KCNIP1: variants seen among roughly 807,000 people sequenced by gnomAD.
KCNIP1 encodes potassium voltage-gated channel interacting protein 1, also known as A-type potassium channel modulatory protein KCNIP1.
In KCNIP1, 18 loss-of-function variants were observed where a neutral mutation model predicts 33.0. That is an observed-to-expected ratio of 0.55 (90% CI 0.38 to 0.81). The LOEUF (loss-of-function observed/expected upper bound fraction) is 0.81. KCNIP1 is among the 30% of genes least tolerant of loss of function. The pLI, the probability that KCNIP1 is intolerant of heterozygous loss-of-function variation, is 0.00. For synonymous variants in KCNIP1, 93 were observed against 98.3 expected, an observed-to-expected ratio of 0.95 and a Z score of 0.32; for missense variants, 238 against 271.6, an observed-to-expected ratio of 0.88 and a Z score of 0.87.
intron 1 of KCNIP1, among the ~76,000 whole-genome samples, chr5:170,367,421 G>GGAAA (rs879277915): frequency 0.012 from 884 of 74,568 alleles, 57 homozygotes; most frequent in African/African-American, 0.041. Context: ...AAGAAAGAAA[G>GGAAA]GAAAGAAAGA....
At chr5:170,580,494 G>A (rs898338368) in intron 1 of KCNIP1, among the ~76,000 whole-genome samples, 9 of 152,088 alleles carry the variant, frequency 5.9e-5, no homozygotes, top group Non-Finnish European at 1.3e-4. Context: ...CCCCCAAGTC[G>A]GTAGACTTCA....
At chr5:170,567,522 G>A (rs1378880775) in intron 1 of KCNIP1, among the ~76,000 whole-genome samples, 2 of 152,184 alleles carry the variant, frequency 1.3e-5, no homozygotes, top group African/African-American at 4.8e-5. Flanking sequence ...GAAGTCCAGA[G>A]GTGGAAAAAA....
intron 1 of KCNIP1, among the ~76,000 whole-genome samples, chr5:170,416,364 C>G (rs1755330054): frequency 6.6e-6 from 1 of 152,170 alleles, no homozygotes; most frequent in South Asian, 2.1e-4. Context: ...AAATTCCAGG[C>G]TCAGTCAGGG....
chr5:170,468,662 C>G (rs1380691545), intron 1 of KCNIP1, among the ~76,000 whole-genome samples: 1 of 151,102 alleles, frequency 6.6e-6, no homozygotes, highest in Non-Finnish European at 1.5e-5. Flanking sequence ...GGGTGGATAG[C>G]TTGAGCCCAG....
chr5:170,551,574 C>T (rs1756635595), intron 1 of KCNIP1, among the ~76,000 whole-genome samples: 1 of 152,176 alleles, frequency 6.6e-6, no homozygotes, highest in Non-Finnish European at 1.5e-5. Context: ...AAATGTCATT[C>T]TCTTTCCTTC....
At chr5:170,428,963 T>A (rs1403014717) in intron 1 of KCNIP1, among the ~76,000 whole-genome samples, 1 of 151,980 alleles carries the variant, frequency 6.6e-6, no homozygotes, top group African/African-American at 2.4e-5. Flanking sequence ...CCCTTTCCCA[T>A]CGTATGATAG....
intron 1 of KCNIP1, among the ~76,000 whole-genome samples, chr5:170,703,806 C>G (rs554657192): frequency 1.4e-5 from 2 of 137,976 alleles, no homozygotes; most frequent in South Asian, 2.7e-4. Flanking sequence ...GTGCTACATA[C>G]ACACTTTTAG....
intron 1 of KCNIP1, among the ~76,000 whole-genome samples, chr5:170,430,261 T>A (rs1417703057): frequency 1.3e-5 from 2 of 152,216 alleles, no homozygotes; most frequent in Non-Finnish European, 2.9e-5. Context: ...CCTCTGACCA[T>A]GCCAGTGCAT....
At chr5:170,432,715 A>G (rs1054439744) in intron 1 of KCNIP1, among the ~76,000 whole-genome samples, 7 of 150,280 alleles carry the variant, frequency 4.7e-5, no homozygotes, top group Non-Finnish European at 1.0e-4. Context: ...AGCCATTCAC[A>G]AAGACTACCT....
intron 1 of KCNIP1, among the ~76,000 whole-genome samples, chr5:170,387,421 G>GCAT (rs567682849): frequency 4.5e-4 from 69 of 152,170 alleles, no homozygotes; most frequent in African/African-American, 1.6e-3. Flanking sequence ...CCTTAGCCAG[G>GCAT]CTGCCCTCAT....
At chr5:170,453,652 C>T (rs1561633327) in intron 1 of KCNIP1, among the ~76,000 whole-genome samples, 1 of 152,116 alleles carries the variant, frequency 6.6e-6, no homozygotes, top group Non-Finnish European at 1.5e-5. Flanking sequence ...TGGAATATGG[C>T]GGAGGTGGTG....
At chr5:170,465,457 T>C (rs1193769298) in intron 1 of KCNIP1, among the ~76,000 whole-genome samples, 1 of 152,234 alleles carries the variant, frequency 6.6e-6, no homozygotes, top group Admixed American at 6.5e-5. Flanking sequence ...AACCAAGGGA[T>C]GTGAAGGGCA....
At chr5:170,373,721 A>T (rs1043324596) in intron 1 of KCNIP1, among the ~76,000 whole-genome samples, 1 of 152,264 alleles carries the variant, frequency 6.6e-6, no homozygotes, top group Admixed American at 6.5e-5. Context: ...CTACCTCGGC[A>T]TTCAGACTGT....
chr5:170,668,399 T>A (rs1273213318), intron 1 of KCNIP1, among the ~76,000 whole-genome samples: 7 of 152,202 alleles, frequency 4.6e-5, no homozygotes. Flanking sequence ...AGTCCTGGGC[T>A]GGTTCTGCTG....
intron 1 of KCNIP1, among the ~76,000 whole-genome samples, chr5:170,609,157 A>C (rs1244093426): frequency 6.6e-6 from 1 of 152,256 alleles, no homozygotes. Context: ...TGTCTTCCCC[A>C]GGGTGGCTTC....
chr5:170,588,175 A>T (rs1247986675), intron 1 of KCNIP1, among the ~76,000 whole-genome samples: 1 of 152,178 alleles, frequency 6.6e-6, no homozygotes, highest in Non-Finnish European at 1.5e-5. Context: ...GCAATCATAG[A>T]CTGAGTCCCC....
intron 1 of KCNIP1, among the ~76,000 whole-genome samples, chr5:170,426,760 ACTT>A (rs1271741267): frequency 1.3e-5 from 2 of 152,238 alleles, no homozygotes; most frequent in Non-Finnish European, 2.9e-5. Flanking sequence ...CCAAGAAAGA[ACTT>A]CTGGGAAAGC....
chr5:170,442,943 C>A (rs1756027382), intron 1 of KCNIP1, among the ~76,000 whole-genome samples: 1 of 152,186 alleles, frequency 6.6e-6, no homozygotes, highest in Non-Finnish European at 1.5e-5. Context: ...CTGGAATCAG[C>A]CCCAGGCCTA....
intron 1 of KCNIP1, among the ~76,000 whole-genome samples, chr5:170,357,312 G>A (rs983977903): frequency 5.3e-5 from 8 of 152,178 alleles, no homozygotes; most frequent in Non-Finnish European, 1.0e-4. Context: ...GGGGTTGAAT[G>A]AGATTGTGCA....
Sources: allele counts gnomAD v4.1 joint callset (sites outside exome capture counted in the v4.1 genomes callset), GRCh38; gene constraint gnomAD v4.1.1; transcripts MANE v1.5; gene names NCBI Gene and HGNC (gene_info 2026-07-23, HGNC 2026-07-21).